Variants in MYBL1 observed in about 807,000 individuals in gnomAD.
MYBL1 encodes myb-related protein A.
MYBL1 carries 17 observed loss-of-function variants against 96.3 expected under a neutral mutation model. That is an observed-to-expected ratio of 0.18 (90% CI 0.12 to 0.26). The LOEUF (loss-of-function observed/expected upper bound fraction) is 0.26, where lower values mean the gene tolerates loss of function less well. Ranked by LOEUF, MYBL1 falls within the 10% of genes least tolerant of loss-of-function variation. MYBL1 has a pLI of 1.00. For synonymous variants in MYBL1, 282 were observed against 292.7 expected (o/e 0.96, Z 0.37); for missense variants, 701 against 882.9 (o/e 0.79, Z 2.61).
chr8:66,570,255 A>G (rs1287663034), intron 12 of MYBL1, among the ~76,000 whole-genome samples: 3 of 152,134 alleles, frequency 2.0e-5, no homozygotes, highest in Non-Finnish European at 4.4e-5. Flanking sequence ...GCTAGTAAAC[A>G]AATGGACAAG....
chr8:66,605,849 C>T lies in MYBL1; in HGVS notation c.21-3326G>A, dbSNP rs182697595. Among the ~76,000 whole-genome samples the T allele has an allele frequency of 1.5e-3, 235 of 152,186 alleles. 1 individual carries two copies. The highest frequency in any genetic ancestry group is 5.5e-3 in the African/African-American group (229 of 41,524). On this transcript the variant is annotated intron_variant, in intron 1 of 15. Transcript: ENST00000522677. ...AATAAGTAAACTGAATTAGAGGATTCTGAGTAGGCAGTGGACTGAATAAAG... is the reference window on the plus strand; with the variant it reads ...AATAAGTAAACTGAATTAGAGGATTTTGAGTAGGCAGTGGACTGAATAAAG...
At chr8:66,573,044 A>G (rs1332381188) in intron 11 of MYBL1, among the ~76,000 whole-genome samples, 1 of 152,000 alleles carries the variant, frequency 6.6e-6, no homozygotes, top group Non-Finnish European at 1.5e-5. Flanking sequence ...GTGAAACCCC[A>G]TCTCTACTAC....
At chr8:66,578,226 A>G (rs1481143249) in intron 9 of MYBL1, among the ~76,000 whole-genome samples, 1 of 151,862 alleles carries the variant, frequency 6.6e-6, no homozygotes, top group Non-Finnish European at 1.5e-5. Context: ...CAAAATTGAC[A>G]AATGGGATCT....
At position 66,584,892 on chromosome 8, in the gene MYBL1, C is replaced by T. The variant is rs748546116; in HGVS notation, c.868-4526G>A. ...CACTGATAAAAAAAATTGAAGAGGA[C>T]ATGAAAAAATACAAAGATCTCCCAT... On this transcript the variant is annotated intron_variant, in intron 8 of 15. Transcript: ENST00000522677. 6.6e-4 allele frequency among the ~76,000 whole-genome samples: 101 copies of T among 151,906 alleles called. No individual in the cohort carries two copies. The Middle Eastern group carries it at 0.01, about 15-fold the overall frequency.
chr8:66,588,277 CTTTTTTT>C (rs1164357937), intron 8 of MYBL1, among the ~76,000 whole-genome samples: 1 of 128,848 alleles, frequency 7.8e-6, no homozygotes, highest in African/African-American at 2.9e-5. Context: ...ATGTGAATCT[CTTTTTTT>C]TTTTTTTTTT....
chr8:66,606,460 C>A (rs1215855454), intron 1 of MYBL1, among the ~76,000 whole-genome samples: 1 of 152,100 alleles, frequency 6.6e-6, no homozygotes, highest in Non-Finnish European at 1.5e-5. Context: ...ATTTGTTTAA[C>A]CTTACTCTAA....
chr8:66,597,847 TAAAAAAAAAAAAAA>T (rs1189665191), intron 4 of MYBL1, among the ~76,000 whole-genome samples: 70 of 36,202 alleles, frequency 1.9e-3, no homozygotes, highest in East Asian at 0.011. Flanking sequence ...CTCCTACATC[TAAAAAAAAAAAAAA>T]AAAAAAAAAA....
At chr8:66,589,617 G>A (rs7844944) in intron 8 of MYBL1, among the ~76,000 whole-genome samples, 18,493 of 151,850 alleles carry the variant, frequency 0.12, 2,629 homozygotes, top group African/African-American at 0.34. Context: ...AGTAGCTGGA[G>A]CCACAGGCAT....
chr8:66,597,146 G>A (rs1187428608), intron 5 of MYBL1, among the ~76,000 whole-genome samples, 184 bp downstream of exon 5: 2 of 151,974 alleles, frequency 1.3e-5, no homozygotes, highest in African/African-American at 4.8e-5. Flanking sequence ...CATTAAAAAA[G>A]TAATCATACC....
At chr8:66,608,689 T>C (rs555182520) in intron 1 of MYBL1, among the ~76,000 whole-genome samples, 1 of 152,264 alleles carries the variant, frequency 6.6e-6, no homozygotes, top group African/African-American at 2.4e-5. Context: ...ATCTGCTCTA[T>C]TTGTCTACTT....
chr8:66,594,612 T>C (rs1809780776), intron 6 of MYBL1, among the ~76,000 whole-genome samples: 1 of 152,140 alleles, frequency 6.6e-6, no homozygotes, highest in Non-Finnish European at 1.5e-5. Context: ...AGCAGAATGT[T>C]TCAGTTTATG....
intron 1 of MYBL1, among the ~76,000 whole-genome samples, chr8:66,602,733 ATTTTTTTTTTTT>A (rs143426704): frequency 1.1e-4 from 3 of 28,172 alleles, no homozygotes; most frequent in Non-Finnish European, 1.6e-4. Context: ...ATATATATAT[ATTTTTTTTTTTT>A]TTTTTTTTTT....
intron 12 of MYBL1, among the ~76,000 whole-genome samples, chr8:66,570,060 G>T (rs1486333268): frequency 6.6e-6 from 1 of 152,166 alleles, no homozygotes; most frequent in African/African-American, 2.4e-5. Context: ...AGGAGCAGGA[G>T]AAATGAAAAG....
At chr8:66,577,165 C>T (rs1349317060) in intron 9 of MYBL1, among the ~76,000 whole-genome samples, 1 of 151,268 alleles carries the variant, frequency 6.6e-6, no homozygotes, top group African/African-American at 2.4e-5. Flanking sequence ...TGAAAACTGG[C>T]ACAAGACAGG....
intron 1 of MYBL1, among the ~76,000 whole-genome samples, chr8:66,602,887 G>A (rs1039436352): frequency 6.0e-5 from 9 of 150,148 alleles, no homozygotes; most frequent in African/African-American, 1.2e-4. Context: ...CTGGGACTAC[G>A]GGCGCCCACC....
At chr8:66,591,408 G>T (rs1373267552) in intron 8 of MYBL1, among the ~76,000 whole-genome samples, 10 of 151,712 alleles carry the variant, frequency 6.6e-5, no homozygotes, top group Non-Finnish European at 1.2e-4. Flanking sequence ...ATATAAACTT[G>T]TATCTTTCTT....
chr8:66,595,791 A>G (rs1184763719), intron 5 of MYBL1, 34 bp from the exon 6 acceptor site: 1 of 1,376,304 alleles, frequency 7.3e-7, no homozygotes, highest in Non-Finnish European at 9.6e-7. Flanking sequence ...AAAAAGAAAA[A>G]AGGATTCCAC....
intron 1 of MYBL1, chr8:66,612,616 G>T: frequency 2.1e-6 from 1 of 481,788 alleles, no homozygotes; most frequent in Non-Finnish European, 3.4e-6. Context: ...CTTACGTCCC[G>T]CGCCTCAAAC....
At chr8:66,612,681 A>G in intron 1 of MYBL1, 138 bp downstream of exon 1, 2 of 1,093,566 alleles carry the variant, frequency 1.8e-6, no homozygotes, top group Middle Eastern at 2.4e-4. Context: ...ATCGAGGCCA[A>G]GCGGCCGCGG....
Sources: allele counts gnomAD v4.1 joint callset (sites outside exome capture counted in the v4.1 genomes callset), GRCh38; gene constraint gnomAD v4.1.1; transcripts MANE v1.5; gene names NCBI Gene and HGNC (gene_info 2026-07-23, HGNC 2026-07-21).